The following EFHD1 variants were observed in gnomAD, a reference collection of about 807,000 sequenced individuals.
The protein encoded by EFHD1 is EF-hand domain family member D1.
In EFHD1, 10 loss-of-function variants were observed where a neutral mutation model predicts 17.2. The ratio of observed to expected loss-of-function variants is 0.58; its 90% confidence interval spans 0.36 to 0.99. EFHD1 has a LOEUF of 0.99. Among genes scored for constraint, EFHD1 ranks in the 50% least tolerant of loss-of-function variants. The pLI, the probability that EFHD1 is intolerant of heterozygous loss-of-function variation, is 0.01. For synonymous variants in EFHD1, 153 were observed against 142.0 expected, an observed-to-expected ratio of 1.08 and a Z score of -0.55; for missense variants, 310 against 327.5, an observed-to-expected ratio of 0.95 and a Z score of 0.41.
At chr2:232,617,912 G>A (rs1257784919) in intron 1 of EFHD1, among the ~76,000 whole-genome samples, 2 of 150,834 alleles carry the variant, frequency 1.3e-5, no homozygotes, top group African/African-American at 4.9e-5. Flanking sequence ...TCGTGCCACG[G>A]CACTCCAGCC....
chr2:232,617,289 C>T, intron 1 of EFHD1, among the ~76,000 whole-genome samples: 1 of 152,220 alleles, frequency 6.6e-6, no homozygotes, highest in Non-Finnish European at 1.5e-5. Flanking sequence ...AATGTACGTA[C>T]TTTAACAAAC....
intron 2 of EFHD1, among the ~76,000 whole-genome samples, chr2:232,665,360 A>G (rs976122723): frequency 3.3e-5 from 5 of 152,172 alleles, no homozygotes; most frequent in Non-Finnish European, 5.9e-5. Flanking sequence ...TTCATGTGTT[A>G]GATGTGTCTT....
intron 1 of EFHD1, among the ~76,000 whole-genome samples, chr2:232,625,710 A>ATAATAC (rs910893116): frequency 2.0e-5 from 3 of 152,192 alleles, no homozygotes; most frequent in African/African-American, 7.2e-5. Context: ...AACCATTTTC[A>ATAATAC]TAATACTAAG....
rs897177242 is a variant in EFHD1, at chr2:232,606,228, T to G, written c.14+55T>G. 4.5e-6 allele frequency: 7 copies of G among 1,541,514 alleles called. No homozygotes were observed. In the African/African-American group the frequency reaches 9.6e-5, roughly 21 times the overall value. ...TTGAGAGTCTACGATTTTCGACGTTTTCCAGGCGATTTTTACTCTGGTCCA... is the reference window on the plus strand; with the variant it reads ...TTGAGAGTCTACGATTTTCGACGTTGTCCAGGCGATTTTTACTCTGGTCCA... On this transcript the variant is annotated intron_variant, in intron 1 of 3. Coordinates refer to the EFHD1 transcript ENST00000409613.
chr2:232,619,469 C>T (rs1172157223), intron 1 of EFHD1, among the ~76,000 whole-genome samples: 1 of 151,730 alleles, frequency 6.6e-6, no homozygotes, highest in African/African-American at 2.4e-5. Flanking sequence ...TGACACCATG[C>T]CCGGCTAATT....
chr2:232,624,009 T>A (rs1694067168), intron 1 of EFHD1, among the ~76,000 whole-genome samples: 1 of 152,100 alleles, frequency 6.6e-6, no homozygotes, highest in Admixed American at 6.5e-5. Context: ...TGCCAGCCCC[T>A]GAAGGGCATG....
At chr2:232,606,092 G>A (rs1693706073) in exon 1 of EFHD1, 1 of 1,528,712 alleles carries the variant, frequency 6.5e-7, no homozygotes, top group Non-Finnish European at 8.9e-7. Flanking sequence ...CTTGGCGGCT[G>A]CTTGCCTTTC....
At chr2:232,664,771 G>T (rs1226065806) in intron 2 of EFHD1, among the ~76,000 whole-genome samples, 1 of 151,134 alleles carries the variant, frequency 6.6e-6, no homozygotes, top group Non-Finnish European at 1.5e-5. Context: ...CTGCCACCAC[G>T]CCTGGCTAAT....
intron 1 of EFHD1, among the ~76,000 whole-genome samples, chr2:232,618,581 G>A (rs1473263390): frequency 6.6e-6 from 1 of 151,870 alleles, no homozygotes; most frequent in African/African-American, 2.4e-5. Flanking sequence ...ACTTAGCTGG[G>A]TGTGGTGGCA....
chr2:232,663,025 A>G, intron 2 of EFHD1, 76 bp downstream of exon 2: 1 of 1,447,444 alleles, frequency 6.9e-7, no homozygotes, highest in Admixed American at 3.1e-5. Flanking sequence ...CCACTGGAGC[A>G]CAAATGGGTT....
At chr2:232,637,187 C>T (rs1296893624) in intron 1 of EFHD1, among the ~76,000 whole-genome samples, 1 of 152,072 alleles carries the variant, frequency 6.6e-6, no homozygotes, top group Non-Finnish European at 1.5e-5. Flanking sequence ...GCCCTTGAGG[C>T]GCCAGCGAAG....
chr2:232,621,495 C>G lies in EFHD1; in HGVS notation c.14+15322C>G, dbSNP rs146541102. Reference sequence around the variant, plus strand: ...TGAGATGGAGTGTCACTCTGTCGCCCAGGCTAGAGTGCAGTGGCGCAATCT... The same window carrying G: ...TGAGATGGAGTGTCACTCTGTCGCCGAGGCTAGAGTGCAGTGGCGCAATCT... On this transcript the variant is annotated intron_variant, in intron 1 of 3. Coordinates refer to the EFHD1 transcript ENST00000409613. 6.1e-3 allele frequency among the ~76,000 whole-genome samples: 936 copies of G among 152,232 alleles called. 8 individuals are homozygous for G. Among genetic ancestry groups the G allele is most frequent in the African/African-American group, 0.021 (889 of 41,534 alleles).
chr2:232,615,771 T>C (rs1574699966), intron 1 of EFHD1, among the ~76,000 whole-genome samples: 2 of 130,048 alleles, frequency 1.5e-5, no homozygotes. Flanking sequence ...CACCACAACC[T>C]CCACCTCTCG....
intron 2 of EFHD1, among the ~76,000 whole-genome samples, chr2:232,671,915 C>T (rs937293296): frequency 4.7e-5 from 7 of 149,480 alleles, no homozygotes; most frequent in Non-Finnish European, 8.9e-5. Context: ...AAATTAGCCG[C>T]GCATGGTGGC....
chr2:232,614,589 G>A lies in EFHD1; in HGVS notation c.14+8416G>A, dbSNP rs139478071. ...TAAGTCTGCTTTCTAATCCCCTCAA[G>A]AATTAGAATGAGTGGATTGTTTGGC... On this transcript the variant is annotated intron_variant, in intron 1 of 3. Coordinates refer to the EFHD1 transcript ENST00000409613. Among the ~76,000 whole-genome samples the A allele has an allele frequency of 7.2e-5, 11 of 152,332 alleles. No individual in the cohort carries two copies. In the East Asian group the frequency reaches 1.9e-3, roughly 27 times the overall value.
Position 232,681,981 on chromosome 2 carries a change from C to A in EFHD1, c.*262C>A. 2 of 427,400 alleles carry A rather than the reference C, an allele frequency of 4.7e-6. No homozygotes were observed. The highest frequency in any genetic ancestry group is 8.3e-6 in the Non-Finnish European group (2 of 241,186). 26.5% of individuals were successfully genotyped at this position (427,400 alleles called of 1,614,324 possible). A position where few individuals can be genotyped will look rare whatever the true frequency, so the allele number is the denominator to read the frequency against. ...TTCTTATAGCCAGAACTTGTATCTT[C>A]TCAGCAACCTTCACTTTGTCCTTGT... On this transcript the variant is annotated 3_prime_UTR_variant, in exon 4 of 4. Coordinates refer to ENST00000264059, the MANE Select transcript of EFHD1 (RefSeq NM_025202.4).
At chr2:232,673,090 C>A (rs945140716) in intron 3 of EFHD1, among the ~76,000 whole-genome samples, 1 of 152,216 alleles carries the variant, frequency 6.6e-6, no homozygotes, top group Non-Finnish European at 1.5e-5. Flanking sequence ...CCATCTCCAG[C>A]AAAGCTGGGC....
At chr2:232,652,579 C>G (rs960550554) in intron 1 of EFHD1, among the ~76,000 whole-genome samples, 1 of 152,164 alleles carries the variant, frequency 6.6e-6, no homozygotes, top group Non-Finnish European at 1.5e-5. Context: ...GTGCCTGGCA[C>G]TTCTAAGCTC....
At chr2:232,649,348 G>T (rs1298303565) in intron 1 of EFHD1, among the ~76,000 whole-genome samples, 1 of 152,212 alleles carries the variant, frequency 6.6e-6, no homozygotes, top group Non-Finnish European at 1.5e-5. Flanking sequence ...CTCAGTGGTG[G>T]CCTCAACTAG....
Sources: allele counts gnomAD v4.1 joint callset (sites outside exome capture counted in the v4.1 genomes callset), GRCh38; gene constraint gnomAD v4.1.1; transcripts MANE v1.5; gene names NCBI Gene and HGNC (gene_info 2026-07-23, HGNC 2026-07-21).